The following LMX1B variants were observed in gnomAD, a reference collection of about 807,000 sequenced individuals.
LMX1B encodes the protein LIM homeobox transcription factor 1-beta.
Under a neutral mutation model 51.4 loss-of-function variants are expected in LMX1B, and 12 were observed. That is an observed-to-expected ratio of 0.23 (90% CI 0.15 to 0.38). The LOEUF (loss-of-function observed/expected upper bound fraction) is 0.38, where lower values mean the gene tolerates loss of function less well. Ranked by LOEUF, LMX1B falls within the 10% of genes least tolerant of loss-of-function variation. LMX1B has a pLI of 1.00. For missense variants in LMX1B, 445 were observed against 571.1 expected, an observed-to-expected ratio of 0.78 and a Z score of 2.25; for synonymous variants, 237 against 235.4, an observed-to-expected ratio of 1.01 and a Z score of -0.06.
chr9:126,695,036 C>CCA lies in LMX1B; in HGVS notation c.887-803_887-802insCA, dbSNP rs1473167305. ...GAGTCACCTCTGACCTTCCCCATCC[C>CCA]ACACTGCTGATCCACTGAGGTGCCA... On this transcript the variant is annotated intron_variant, in intron 6 of 7. Coordinates refer to ENST00000373474, the MANE Select transcript of LMX1B (RefSeq NM_001174147.2). This position sits in a 1 kb window ranked among gnomAD's most constrained non-coding sequence, Gnocchi z 5.2. Among the ~76,000 whole-genome samples, 43 of 152,318 alleles carry CCA rather than the reference C, an allele frequency of 2.8e-4. No individual in the cohort carries two copies. Among genetic ancestry groups the CCA allele is most frequent in the African/African-American group, 1.0e-3 (42 of 41,566 alleles).
chr9:126,675,869 GAAACCCCGTCTCTACT>G (rs1373845764), intron 2 of LMX1B, among the ~76,000 whole-genome samples: 17 of 151,372 alleles, frequency 1.1e-4, no homozygotes, highest in Non-Finnish European at 1.9e-4. Context: ...CTAACACGGT[GAAACCCCGTCTCTACT>G]AAAAATACAA....
chr9:126,691,261 C>T (rs1473678196), intron 3 of LMX1B, among the ~76,000 whole-genome samples, 193 bp downstream of exon 3: 1 of 152,108 alleles, frequency 6.6e-6, no homozygotes, highest in Admixed American at 6.5e-5. Context: ...CATGCATCCC[C>T]CCAGGCACAC....
In LMX1B at chr9:126,695,885, G is replaced by T. The variant is rs145052881; in HGVS notation, c.933G>T (p.Pro311=). 3.0e-4 allele frequency: 492 copies of T among 1,613,154 alleles called. 1 individual carries two copies. The highest frequency in any genetic ancestry group is 4.0e-4 in the Non-Finnish European group (467 of 1,179,764). ...RMEGMMASYT[P]LAPPQQQIVA... ...AGGGCATGATGGCTTCCTACACGCC[G>T]CTGGCCCCACCACAGCAGCAGATCG... is the stretch of plus-strand genomic sequence containing the variant. The change falls in exon 7 of 8, where the codon CCG becomes CCT. Residue 311 remains proline, a synonymous_variant. Transcript: ENST00000373474. This position sits in a 1 kb window ranked among gnomAD's most constrained non-coding sequence, Gnocchi z 5.2.
At position 126,691,063 on chromosome 9, in the gene LMX1B, A is replaced by G. The variant is rs2030112837; in HGVS notation, c.554A>G (p.Asp185Gly). The change falls in exon 3 of 8, where the codon GAC becomes GGC. Residue 185 changes from aspartate to glycine, a missense_variant. Asp to Gly is a moderately conservative substitution (Grantham distance 94). Coordinates refer to ENST00000373474, the MANE Select transcript of LMX1B (RefSeq NM_001174147.2). ...LLSSVSPDES[D>G]SVKSEDEDGD... ...AGCTCCGTGAGCCCCGACGAGTCCGACTCCGGTGAGGCCTGGCCTGAGCTG... is the reference window on the plus strand; with the variant it reads ...AGCTCCGTGAGCCCCGACGAGTCCGGCTCCGGTGAGGCCTGGCCTGAGCTG... The G allele has an allele frequency of 6.2e-7, 1 of 1,607,758 alleles. No homozygotes were observed. The highest frequency in any genetic ancestry group is 1.3e-5 in the African/African-American group (1 of 74,600).
intron 2 of LMX1B, among the ~76,000 whole-genome samples, chr9:126,630,056 G>T (rs2118857530): frequency 1.3e-5 from 2 of 151,790 alleles, no homozygotes; most frequent in Middle Eastern, 6.8e-3. Context: ...CAGCTACTCG[G>T]GAGGCTGAGG....
In LMX1B at chr9:126,673,380, C is replaced by T. The variant is rs369575862; in HGVS notation, c.327-17456C>T. On this transcript the variant is annotated intron_variant, in intron 2 of 7. Coordinates refer to ENST00000373474, the MANE Select transcript of LMX1B (RefSeq NM_001174147.2). This position sits in a 1 kb window ranked among gnomAD's most constrained non-coding sequence, Gnocchi z 4.4. Reference sequence around the variant, plus strand: ...ACACACCAGGCCCCACAAACAACTCCGCACCAGGGAGCTGGGCAGATCTGA... The same window carrying T: ...ACACACCAGGCCCCACAAACAACTCTGCACCAGGGAGCTGGGCAGATCTGA... Among the ~76,000 whole-genome samples, 8 of 152,266 alleles carry T rather than the reference C, an allele frequency of 5.3e-5. No individual in the cohort carries two copies. In the South Asian group the frequency reaches 6.2e-4, roughly 12 times the overall value.
intron 2 of LMX1B, among the ~76,000 whole-genome samples, chr9:126,619,442 T>C (rs991169342): frequency 1.3e-5 from 2 of 152,152 alleles, no homozygotes; most frequent in Admixed American, 1.3e-4. Flanking sequence ...CCCCAGTGTG[T>C]ACCCCAACCA....
rs191948184 is a variant in LMX1B, at chr9:126,684,942, C to T, written c.327-5894C>T. 4.5e-3 allele frequency among the ~76,000 whole-genome samples: 683 copies of T among 152,282 alleles called. 4 individuals carry two copies. Among genetic ancestry groups the T allele is most frequent in the Non-Finnish European group, 6.9e-3 (467 of 68,002 alleles). On this transcript the variant is annotated intron_variant, in intron 2 of 7. Transcript: ENST00000373474. The stretch of plus-strand genomic sequence containing the variant: ...GTTACCTGGTGGCAGTTTCAGACCC[C>T]TAGGAGCAGAATACCTGGTGTTTTT...
chr9:126,687,586 C>G (rs2029950336), intron 2 of LMX1B, among the ~76,000 whole-genome samples: 1 of 152,156 alleles, frequency 6.6e-6, no homozygotes, highest in Non-Finnish European at 1.5e-5. Flanking sequence ...AAATGCCTTG[C>G]CTAAAGCTGC....
Position 126,696,810 on chromosome 9 carries a change from A to G in LMX1B, c.*359A>G, listed in dbSNP as rs1221734740. 7 of 346,442 alleles carry G rather than the reference A, an allele frequency of 2.0e-5. No homozygotes were observed. Among genetic ancestry groups the G allele is most frequent in the South Asian group, 1.6e-4 (6 of 36,812 alleles). The allele number at this position is 346,442 out of a possible 1,614,324, so 21.5% of individuals were successfully genotyped here. A position where few individuals can be genotyped will look rare whatever the true frequency, so the allele number is the denominator to read the frequency against. The stretch of plus-strand genomic sequence containing the variant: ...TTTTTTAAATGTCCTCTCTGTGTCC[A>G]TGGCCCTCCATGCAAGCCCCAGGAC... On this transcript the variant is annotated 3_prime_UTR_variant, in exon 8 of 8. Transcript: ENST00000373474.
intron 2 of LMX1B, among the ~76,000 whole-genome samples, chr9:126,675,735 TA>T (rs60919726): frequency 2.6e-3 from 233 of 91,040 alleles, no homozygotes; most frequent in Admixed American, 3.3e-3. Flanking sequence ...AAAAAAAAAT[TA>T]AAAAAAAAAA....
rs755666528 is a variant in LMX1B, at chr9:126,691,086, C to G, written c.559+18C>G. 1 of 1,589,642 alleles carries G rather than the reference C, an allele frequency of 6.3e-7. No individual in the cohort carries two copies. Among genetic ancestry groups the G allele is most frequent in the African/African-American group, 1.3e-5 (1 of 74,276 alleles). On this transcript the variant is annotated intron_variant, in intron 3 of 7. Coordinates refer to ENST00000373474, the MANE Select transcript of LMX1B (RefSeq NM_001174147.2). ...CGACTCCGGTGAGGCCTGGCCTGAG[C>G]TGGGGGCAGGCCTCAGGGACGGGGG... is the stretch of plus-strand genomic sequence containing the variant.
intron 2 of LMX1B, among the ~76,000 whole-genome samples, chr9:126,616,770 G>A (rs60159447): frequency 6.6e-6 from 1 of 152,224 alleles, no homozygotes; most frequent in African/African-American, 2.4e-5. Flanking sequence ...AAGCAGCGCA[G>A]CCCAACTGTT....
intron 2 of LMX1B, among the ~76,000 whole-genome samples, chr9:126,681,072 C>T (rs1259581385): frequency 1.3e-5 from 2 of 152,186 alleles, no homozygotes; most frequent in East Asian, 1.9e-4. Context: ...CACCACCCAT[C>T]GGAAGTCAGA....
chr9:126,693,393 C>T, intron 4 of LMX1B, 70 bp downstream of exon 4: 3 of 1,552,136 alleles, frequency 1.9e-6, no homozygotes, highest in Non-Finnish European at 2.6e-6. Flanking sequence ...GAGACCACCC[C>T]CTGCTCCTGC....
chr9:126,693,405 G>A, intron 4 of LMX1B, 82 bp downstream of exon 4: 1 of 1,547,142 alleles, frequency 6.5e-7, no homozygotes, highest in Non-Finnish European at 8.9e-7. Flanking sequence ...TGCTCCTGCT[G>A]GGGGTAGGGA....
chr9:126,614,418 G>C lies in LMX1B; in HGVS notation c.-32G>C. On this transcript the variant is annotated 5_prime_UTR_variant, in exon 1 of 8. Coordinates refer to ENST00000373474, the MANE Select transcript of LMX1B (RefSeq NM_001174147.2). Reference sequence around the variant, plus strand: ...GACGGGCCGGCGGGCGAGCAGCCCGGCCGGCGGGGTCCGCAGCGCGCCCCG... The same window carrying C: ...GACGGGCCGGCGGGCGAGCAGCCCGCCCGGCGGGGTCCGCAGCGCGCCCCG... 2.1e-6 allele frequency: 3 copies of C among 1,438,322 alleles called. No individual in the cohort carries two copies. The highest frequency in any genetic ancestry group is 2.7e-6 in the Non-Finnish European group (3 of 1,091,140). 89.1% of individuals were successfully genotyped at this position (1,438,322 alleles called of 1,614,324 possible).
In LMX1B at chr9:126,614,395, C is replaced by A; in HGVS notation, c.-55C>A. The A allele has an allele frequency of 2.3e-6, 3 of 1,304,722 alleles. No homozygotes were observed. Among genetic ancestry groups the A allele is most frequent in the Non-Finnish European group, 2.9e-6 (3 of 1,021,824 alleles). 80.8% of individuals were successfully genotyped at this position (1,304,722 alleles called of 1,614,324 possible). A position where few individuals can be genotyped will look rare whatever the true frequency, so the allele number is the denominator to read the frequency against. ...GCCGCGGCGGCGGAGAGCGGGTGGA[C>A]GGGCCGGCGGGCGAGCAGCCCGGCC... On this transcript the variant is annotated 5_prime_UTR_variant, in exon 1 of 8. Transcript: ENST00000373474.
rs563942297 is a variant in LMX1B, at chr9:126,625,964, C to T, written c.326+10395C>T. Among the ~76,000 whole-genome samples, 123 of 152,326 alleles carry T rather than the reference C, an allele frequency of 8.1e-4. No homozygotes were observed. Among genetic ancestry groups the T allele is most frequent in the Middle Eastern group, 6.8e-3 (2 of 294 alleles). Reference sequence around the variant, plus strand: ...GCCGCGCTGTTCCGGGTCACTGCACCGGCTGAAAAAACCAAAAGCAAAACC... The same window carrying T: ...GCCGCGCTGTTCCGGGTCACTGCACTGGCTGAAAAAACCAAAAGCAAAACC... On this transcript the variant is annotated intron_variant, in intron 2 of 7. Coordinates refer to ENST00000373474, the MANE Select transcript of LMX1B (RefSeq NM_001174147.2). This position sits in a 1 kb window ranked among gnomAD's most constrained non-coding sequence, Gnocchi z 5.3.
Sources: gnomAD v4.1 joint callset for allele counts (sites outside exome capture counted in the v4.1 genomes callset) on GRCh38, gnomAD v4.1.1 for gene constraint, Gnocchi (gnomAD v3.1) non-coding constraint, MANE v1.5 for transcripts, NCBI Gene and HGNC (gene_info 2026-07-23, HGNC 2026-07-21) for gene names.